Variants in GPR158 observed in about 807,000 individuals in gnomAD.
The protein encoded by GPR158 is metabotropic glycine receptor.
GPR158 carries 30 observed loss-of-function variants against 78.2 expected under a neutral mutation model. That is an observed-to-expected ratio of 0.38 (90% CI 0.29 to 0.52). The LOEUF is 0.52. Ranked by LOEUF, GPR158 falls within the 20% of genes least tolerant of loss-of-function variation. GPR158 has a pLI of 0.83. For synonymous variants in GPR158, 581 were observed against 591.1 expected (o/e 0.98, Z 0.25); for missense variants, 1,463 against 1,523.5 (o/e 0.96, Z 0.66).
At chr10:25,458,755 T>C (rs1049489558) in intron 4 of GPR158, among the ~76,000 whole-genome samples, 1 of 152,206 alleles carries the variant, frequency 6.6e-6, no homozygotes, top group African/African-American at 2.4e-5. Context: ...TTCCAGACCA[T>C]GTAGTGATCA....
chr10:25,451,274 G>T (rs1471412546), intron 4 of GPR158, among the ~76,000 whole-genome samples: 2 of 152,122 alleles, frequency 1.3e-5, no homozygotes, highest in Non-Finnish European at 2.9e-5. Flanking sequence ...TCATCAGTGT[G>T]TATTTCCATT....
intron 4 of GPR158, among the ~76,000 whole-genome samples, chr10:25,444,513 G>T (rs997836336): frequency 6.6e-6 from 1 of 151,238 alleles, no homozygotes; most frequent in Non-Finnish European, 1.5e-5. Flanking sequence ...GCATGTATGC[G>T]TGTGGGTATG....
intron 9 of GPR158, 50 bp downstream of exon 9, chr10:25,594,447 C>A (rs147873496): frequency 4.9e-6 from 4 of 812,408 alleles, no homozygotes; most frequent in South Asian, 4.8e-5. Context: ...TTTTAATGAA[C>A]ATGGAGTTGT....
At chr10:25,290,176 C>G (rs965386046) in intron 2 of GPR158, among the ~76,000 whole-genome samples, 1 of 152,160 alleles carries the variant, frequency 6.6e-6, no homozygotes. Context: ...AAAACTTACT[C>G]AGATTAAATG....
At chr10:25,210,345 C>T (rs558368363) in intron 1 of GPR158, among the ~76,000 whole-genome samples, 8 of 152,200 alleles carry the variant, frequency 5.3e-5, no homozygotes, top group Non-Finnish European at 1.0e-4. Context: ...GTTCTATGCC[C>T]CTTTGTGAAT....
chr10:25,487,021 T>C (rs1361839059), intron 5 of GPR158, among the ~76,000 whole-genome samples: 1 of 152,136 alleles, frequency 6.6e-6, no homozygotes, highest in African/African-American at 2.4e-5. Flanking sequence ...TAGTCCCTCT[T>C]GGTATGTTAG....
intron 2 of GPR158, among the ~76,000 whole-genome samples, chr10:25,241,409 C>CTCTTCTCTTTTCTTTTCTTT (rs1302467821): frequency 9.3e-6 from 1 of 108,102 alleles, no homozygotes; most frequent in Non-Finnish European, 2.0e-5. Flanking sequence ...CTCTTCTCTT[C>CTCTTCTCTTTTCTTTTCTTT]TCTTTTCTTT....
chr10:25,452,324 G>A (rs552663964), intron 4 of GPR158, among the ~76,000 whole-genome samples: 2 of 152,218 alleles, frequency 1.3e-5, no homozygotes, highest in African/African-American at 4.8e-5. Context: ...AGGATTATAG[G>A]CATGAGCCAC....
intron 5 of GPR158, among the ~76,000 whole-genome samples, chr10:25,534,730 CGTG>C (rs1564482387): frequency 6.6e-6 from 1 of 151,942 alleles, no homozygotes; most frequent in African/African-American, 2.4e-5. Flanking sequence ...CTTCAGCCTG[CGTG>C]ACAGAGCAAG....
At chr10:25,266,260 A>G (rs12268349) in intron 2 of GPR158, among the ~76,000 whole-genome samples, 25 of 152,120 alleles carry the variant, frequency 1.6e-4, no homozygotes, top group African/African-American at 5.8e-4. Context: ...TTTAAGTGCA[A>G]TTGTTTGATT....
At chr10:25,524,223 T>C (rs1314526894) in intron 5 of GPR158, among the ~76,000 whole-genome samples, 2 of 152,236 alleles carry the variant, frequency 1.3e-5, no homozygotes, top group African/African-American at 2.4e-5. Context: ...ACTCCCCAGA[T>C]TGATCCACAG....
intron 2 of GPR158, among the ~76,000 whole-genome samples, chr10:25,383,209 G>A (rs1485548137): frequency 6.6e-6 from 1 of 152,176 alleles, no homozygotes; most frequent in African/African-American, 2.4e-5. Flanking sequence ...ATTAAAAGCT[G>A]CTGCCTTTTT....
chr10:25,515,052 T>G (rs2130673890), intron 5 of GPR158, among the ~76,000 whole-genome samples: 1 of 152,242 alleles, frequency 6.6e-6, no homozygotes. Flanking sequence ...TATATTTGGA[T>G]GTCTAGATCT....
chr10:25,501,435 T>C (rs1033061800), intron 5 of GPR158, among the ~76,000 whole-genome samples: 1 of 152,240 alleles, frequency 6.6e-6, no homozygotes, highest in Non-Finnish European at 1.5e-5. Context: ...TCTTTATATG[T>C]TTACTCATGT....
chr10:25,445,771 G>A (rs1028554304), intron 4 of GPR158, among the ~76,000 whole-genome samples: 3 of 151,964 alleles, frequency 2.0e-5, no homozygotes, highest in Non-Finnish European at 4.4e-5. Context: ...GAGAGAGGGA[G>A]ACAGACACAG....
At chr10:25,362,652 A>C (rs1288613606) in intron 2 of GPR158, among the ~76,000 whole-genome samples, 1 of 151,854 alleles carries the variant, frequency 6.6e-6, no homozygotes, top group Non-Finnish European at 1.5e-5. Context: ...TCAGTGTACA[A>C]ATCTTTAACT....
intron 3 of GPR158, among the ~76,000 whole-genome samples, chr10:25,408,275 T>A (rs950106996): frequency 1.3e-5 from 2 of 152,232 alleles, no homozygotes; most frequent in Non-Finnish European, 2.9e-5. Flanking sequence ...TTGTAGTTCT[T>A]CTTATGGTAT....
At chr10:25,235,858 G>A (rs1351540841) in intron 2 of GPR158, among the ~76,000 whole-genome samples, 3 of 151,662 alleles carry the variant, frequency 2.0e-5, no homozygotes, top group African/African-American at 7.3e-5. Context: ...CACCATGCCC[G>A]GCTAATTTTT....
intron 2 of GPR158, among the ~76,000 whole-genome samples, chr10:25,337,028 A>G (rs940030695): frequency 2.0e-5 from 3 of 152,146 alleles, no homozygotes; most frequent in Non-Finnish European, 4.4e-5. Flanking sequence ...TTATAACTGT[A>G]GGATTCTGTA....
Sources: gnomAD v4.1 joint callset for allele counts (sites outside exome capture counted in the v4.1 genomes callset) on GRCh38, gnomAD v4.1.1 for gene constraint, MANE v1.5 for transcripts, NCBI Gene and HGNC (gene_info 2026-07-23, HGNC 2026-07-21) for gene names.